Variants in TENM1 observed in about 807,000 individuals in gnomAD.
The protein encoded by TENM1 is teneurin-1.
TENM1 carries 35 observed loss-of-function variants against 174.8 expected under a neutral mutation model. The ratio of observed to expected loss-of-function variants is 0.20; its 90% confidence interval spans 0.15 to 0.27. TENM1 has a LOEUF of 0.27. TENM1 is among the 10% of genes least tolerant of loss of function. The pLI is 1.00. For missense variants in TENM1, 1,633 were observed against 2,130.1 expected, an observed-to-expected ratio of 0.77 and a Z score of 4.59; for synonymous variants, 781 against 798.7, an observed-to-expected ratio of 0.98 and a Z score of 0.37.
At chrX:125,146,699 A>G in the TENM1 span, among the ~76,000 whole-genome samples, 17 of 111,533 alleles carry the variant, frequency 1.5e-4, no homozygotes, top group Middle Eastern at 4.6e-3. Flanking sequence ...CTAGTGAGGT[A>G]TAAGAAAAAT....
intron 15 of TENM1, among the ~76,000 whole-genome samples, chrX:124,535,235 C>A (rs2048181511): frequency 9.0e-6 from 1 of 111,312 alleles, no homozygotes; most frequent in Admixed American, 9.6e-5. Context: ...ACAAGACAAA[C>A]CTTTGAGAAC....
chrX:124,681,860 T>C (rs2052243554), intron 5 of TENM1, among the ~76,000 whole-genome samples: 1 of 111,905 alleles, frequency 8.9e-6, no homozygotes, highest in African/African-American at 3.2e-5. Context: ...CAATAAAGGT[T>C]AGCAATCATT....
intron 3 of TENM1, among the ~76,000 whole-genome samples, chrX:124,844,904 C>T (rs1453274377): frequency 1.8e-5 from 2 of 111,107 alleles, no homozygotes; most frequent in Non-Finnish European, 3.8e-5. Context: ...ACATCAGAAT[C>T]ACTTGTGAAG....
At chrX:124,930,894 TTCTC>T (rs1195355005) in intron 1 of TENM1, among the ~76,000 whole-genome samples, 1 of 111,835 alleles carries the variant, frequency 8.9e-6, no homozygotes, top group African/African-American at 3.3e-5. Flanking sequence ...CACGTGCTAA[TTCTC>T]TCAGCTGCTT....
exon 24 of TENM1, chrX:124,422,585 C>A: frequency 8.3e-7 from 1 of 1,210,441 alleles, no homozygotes; most frequent in Non-Finnish European, 1.1e-6. Context: ...CCAAGACATA[C>A]AATGAATTGT....
intron 4 of TENM1, among the ~76,000 whole-genome samples, chrX:124,730,369 T>C (rs1398589888): frequency 8.9e-6 from 1 of 111,974 alleles, no homozygotes; most frequent in Admixed American, 9.5e-5. Context: ...ATTATGTTCA[T>C]GGCTGCTCTA....
At chrX:125,024,863 T>G in the TENM1 span, among the ~76,000 whole-genome samples, 28 of 111,511 alleles carry the variant, frequency 2.5e-4, no homozygotes, top group Admixed American at 2.5e-3. Flanking sequence ...CTTTATATTT[T>G]TATCTGTTTT....
intron 3 of TENM1, among the ~76,000 whole-genome samples, chrX:124,764,680 TG>T (rs769301846): frequency 9.9e-6 from 1 of 101,175 alleles, no homozygotes; most frequent in Non-Finnish European, 2.0e-5. Flanking sequence ...TTGTTTGGAC[TG>T]TTTTTTTTTT....
At chrX:124,783,080 T>C (rs1207624695) in intron 3 of TENM1, among the ~76,000 whole-genome samples, 1 of 111,576 alleles carries the variant, frequency 9.0e-6, no homozygotes, top group Non-Finnish European at 1.9e-5. Flanking sequence ...AGTTCGTTCA[T>C]AAAAATGATA....
intron 15 of TENM1, 42 bp downstream of exon 18, chrX:124,546,832 A>G (rs1410966818): frequency 7.7e-6 from 8 of 1,039,606 alleles, no homozygotes; most frequent in African/African-American, 1.9e-5. Context: ...CAGGAAAAAC[A>G]TGACCATTGT....
chrX:124,636,037 C>T lies in TENM1; in HGVS notation c.2077+5754G>A, dbSNP rs926441073. On this transcript the variant is annotated intron_variant, in intron 11 of 31. Coordinates refer to ENST00000422452, the Ensembl canonical transcript of TENM1. ...TACTCAATGTACCTAGAAATACAGA[C>T]TGAAAATAATCAGTAAACCATTCAC... is the stretch of plus-strand genomic sequence containing the variant. Among the ~76,000 whole-genome samples, 3 of 112,024 alleles carry T rather than the reference C, an allele frequency of 2.7e-5. No homozygotes were observed. In the Admixed American group the frequency reaches 2.8e-4, roughly 11 times the overall value.
chrX:125,090,015 A>G, the TENM1 span, among the ~76,000 whole-genome samples: 1 of 111,584 alleles, frequency 9.0e-6, no homozygotes, highest in Non-Finnish European at 1.9e-5. Context: ...TACTCCCCAC[A>G]TTACACAAAA....
the TENM1 span, among the ~76,000 whole-genome samples, chrX:125,000,256 TACAAAAAGTATGCTTGTCTTC>T: frequency 1.8e-4 from 20 of 111,862 alleles, no homozygotes; most frequent in African/African-American, 6.5e-4. Flanking sequence ...ACAAGTAAGC[TACAAAAAGTATGCTTGTCTTC>T]AGGATTATGG....
At chrX:124,932,261 A>T (rs935537385) in intron 1 of TENM1, among the ~76,000 whole-genome samples, 7 of 112,158 alleles carry the variant, frequency 6.2e-5, no homozygotes, top group Non-Finnish European at 1.3e-4. Context: ...CTAGCAAGGG[A>T]TGCAACTAAT....
At chrX:124,614,844 A>G (rs1479863995) in intron 11 of TENM1, among the ~76,000 whole-genome samples, 3 of 112,150 alleles carry the variant, frequency 2.7e-5, no homozygotes, top group African/African-American at 9.7e-5. Context: ...GATCACGCCA[A>G]TGCACTCCAC....
intron 11 of TENM1, among the ~76,000 whole-genome samples, chrX:124,634,888 T>C (rs931193901): frequency 8.9e-6 from 1 of 111,763 alleles, no homozygotes; most frequent in Non-Finnish European, 1.9e-5. Context: ...CATATCGTCA[T>C]CCATTAGGGA....
chrX:124,395,715 G>A (rs998430911), intron 27 of TENM1, among the ~76,000 whole-genome samples: 2 of 111,735 alleles, frequency 1.8e-5, no homozygotes, highest in Non-Finnish European at 3.8e-5. Context: ...TTGATACAAC[G>A]GGCCTGGAAG....
intron 15 of TENM1, among the ~76,000 whole-genome samples, chrX:124,532,793 T>G (rs2048135412): frequency 8.9e-6 from 1 of 112,011 alleles, no homozygotes; most frequent in African/African-American, 3.2e-5. Flanking sequence ...TATTAGACTT[T>G]AAATGTTCCA....
intron 11 of TENM1, among the ~76,000 whole-genome samples, chrX:124,611,086 A>G (rs1322488416): frequency 9.0e-6 from 1 of 111,485 alleles, no homozygotes; most frequent in African/African-American, 3.3e-5. Context: ...CCACAAGATA[A>G]TAGTGGGTGG....
Sources: allele counts gnomAD v4.1 joint callset (sites outside exome capture counted in the v4.1 genomes callset), GRCh38; gene constraint gnomAD v4.1.1; transcripts MANE v1.5; gene names NCBI Gene and HGNC (gene_info 2026-07-23, HGNC 2026-07-21).